Variants in CXCL16 observed in about 807,000 individuals in gnomAD.
CXCL16 encodes C-X-C motif chemokine ligand 16.
A neutral mutation model predicts 23.8 loss-of-function variants in CXCL16; 18 were observed. The observed-to-expected ratio is 0.76, with a 90% CI of 0.52 to 1.12. The LOEUF (loss-of-function observed/expected upper bound fraction) is 1.12. CXCL16 is among the 50% of genes most tolerant of loss of function. The pLI, the probability that CXCL16 is intolerant of heterozygous loss-of-function variation, is 0.00. For synonymous variants in CXCL16, 123 were observed against 132.5 expected (o/e 0.93, Z 0.49); for missense variants, 297 against 315.4 (o/e 0.94, Z 0.44).
At position 4,738,598 on chromosome 17, in the gene CXCL16, G is replaced by C; in HGVS notation, c.219-108C>G. The C allele has an allele frequency of 9.5e-7, 1 of 1,047,916 alleles. No individual in the cohort carries two copies. Among genetic ancestry groups the C allele is most frequent in the South Asian group, 1.4e-5 (1 of 69,602 alleles). 64.9% of individuals were successfully genotyped at this position (1,047,916 alleles called of 1,614,324 possible). On this transcript the variant is annotated intron_variant, in intron 2 of 5. Transcript: ENST00000293778. This position sits in a 1 kb window ranked among gnomAD's most constrained non-coding sequence, Gnocchi z 4.0. ...CACCAAGAAAGAGCCCTTTCTCCTG[G>C]GACTGGGAAACTCCCCAGTAGGTGA...
chr17:4,738,413 A>C lies in CXCL16; in HGVS notation c.296T>G (p.Leu99Arg). The change falls in exon 3 of 6, where the codon CTC (leucine) becomes CGC (arginine). Residue 99 changes from leucine to arginine, a missense_variant. Coordinates refer to ENST00000293778, the MANE Select transcript of CXCL16 (RefSeq NM_001386809.1). This position sits in a 1 kb window ranked among gnomAD's most constrained non-coding sequence, Gnocchi z 4.0. ...WVQELMSCLD[L>R]KECGHAYSGI... ...GAGCAGTGGAAAAGTCTCACCTTTG[A>C]GATCAAGACAGCTCATCAATTCCTG... 1 of 1,613,278 alleles carries C rather than the reference A, an allele frequency of 6.2e-7. No individual in the cohort carries two copies. The highest frequency in any genetic ancestry group is 8.5e-7 in the Non-Finnish European group (1 of 1,179,198).
chr17:4,734,747 A>C, intron 4 of CXCL16, 95 bp from the exon 5 acceptor site: 1 of 1,081,396 alleles, frequency 9.2e-7, no homozygotes, highest in Middle Eastern at 2.0e-4. Context: ...TGAAGACATC[A>C]ACACTATGAC....
intron 3 of CXCL16, among the ~76,000 whole-genome samples, chr17:4,735,815 T>C (rs1405511002): frequency 6.6e-6 from 1 of 152,184 alleles, no homozygotes; most frequent in Non-Finnish European, 1.5e-5. Flanking sequence ...GGTTCACGCC[T>C]GTAATCCCAG....
rs1268171012 is a variant in CXCL16, at chr17:4,738,329, G to C, written c.301+79C>G. 1 of 1,116,750 alleles carries C rather than the reference G, an allele frequency of 9.0e-7. No individual in the cohort carries two copies. The highest frequency in any genetic ancestry group is 1.4e-6 in the Non-Finnish European group (1 of 733,014). The allele number at this position is 1,116,750 out of a possible 1,614,324, so 69.2% of individuals were successfully genotyped here. On this transcript the variant is annotated intron_variant, in intron 3 of 5. Coordinates refer to ENST00000293778, the MANE Select transcript of CXCL16 (RefSeq NM_001386809.1). This position sits in a 1 kb window ranked among gnomAD's most constrained non-coding sequence, Gnocchi z 4.0. ...AGGAATGTGCGGCCCCAGGGGAAAA[G>C]GCTCAGGTAAAGAAAACTGTCAGGT...
At chr17:4,734,954 C>G (rs1916105908) in intron 4 of CXCL16, 138 bp downstream of exon 4, 1 of 841,500 alleles carries the variant, frequency 1.2e-6, no homozygotes. Context: ...CTCAGAGGGC[C>G]CAGAGTCAAC....
chr17:4,736,314 G>T (rs1429643146), intron 3 of CXCL16: 3 of 152,150 alleles, frequency 2.0e-5, no homozygotes, highest in African/African-American at 4.8e-5. Context: ...AATTACCAAG[G>T]TGCCATGTTT....
intron 4 of CXCL16, 24 bp from the exon 5 acceptor site, chr17:4,734,676 A>T (rs767139614): frequency 6.3e-7 from 1 of 1,597,402 alleles, no homozygotes; most frequent in Admixed American, 1.7e-5. Flanking sequence ...AGAAATTGAG[A>T]GATGAGCTCT....
Position 4,734,445 on chromosome 17 carries a change from G to A in CXCL16, c.*58C>T. The A allele has an allele frequency of 1.8e-6, 1 of 555,484 alleles. No individual in the cohort carries two copies. Among genetic ancestry groups the A allele is most frequent in the South Asian group, 1.9e-5 (1 of 53,480 alleles). 34.4% of individuals were successfully genotyped at this position (555,484 alleles called of 1,614,324 possible). ...GGTGGGAGGATCACTTGACTCAGGA[G>A]TTCCATAACAGCCTGGGCAACATAG... On this transcript the variant is annotated 3_prime_UTR_variant, in exon 6 of 6. Transcript: ENST00000293778.
intron 4 of CXCL16, 99 bp from the exon 5 acceptor site, chr17:4,734,751 CTA>C: frequency 9.6e-7 from 1 of 1,041,612 alleles, no homozygotes; most frequent in South Asian, 1.3e-5. Context: ...GACATCAACA[CTA>C]TGACCTGGCC....
At chr17:4,735,562 C>G in intron 3 of CXCL16, 54 bp from the exon 4 acceptor site, 1 of 1,430,084 alleles carries the variant, frequency 7.0e-7, no homozygotes, top group Non-Finnish European at 9.3e-7. Context: ...GGTGAAAAAG[C>G]AGATAGAGGT....
rs1425331832 is a variant in CXCL16, at chr17:4,739,363, G to T, written c.-24C>A. 1 of 1,612,992 alleles carries T rather than the reference G, an allele frequency of 6.2e-7. No individual in the cohort carries two copies. Among genetic ancestry groups the T allele is most frequent in the African/African-American group, 1.3e-5 (1 of 74,906 alleles). The stretch of plus-strand genomic sequence containing the variant: ...ATCTCGGGGCTCCGCGGACTCTGCG[G>T]GGATGGAGCCACCTCGCTCTGACTC... On this transcript the variant is annotated 5_prime_UTR_variant, in exon 1 of 6. Transcript: ENST00000293778. The surrounding 1 kb of genome is among the most constrained non-coding windows in gnomAD (Gnocchi z 5.3).
chr17:4,738,234 G>A lies in CXCL16; in HGVS notation c.301+174C>T, dbSNP rs1916220055. 6.6e-6 allele frequency among the ~76,000 whole-genome samples: 1 copy of A among 152,202 alleles called. No individual in the cohort carries two copies. The highest frequency in any genetic ancestry group is 6.5e-5 in the Admixed American group (1 of 15,272). On this transcript the variant is annotated intron_variant, in intron 3 of 5. Coordinates refer to ENST00000293778, the MANE Select transcript of CXCL16 (RefSeq NM_001386809.1). This position sits in a 1 kb window ranked among gnomAD's most constrained non-coding sequence, Gnocchi z 4.0. ...TGGCAAAACTCATGAAGGTGATGGT[G>A]AATGATCACCCCGTTTGGCAAACAG...
Position 4,739,434 on chromosome 17 carries a change from T to A in CXCL16, c.-95A>T. The A allele has an allele frequency of 6.3e-7, 1 of 1,586,508 alleles. No homozygotes were observed. The highest frequency in any genetic ancestry group is 8.6e-7 in the Non-Finnish European group (1 of 1,163,054). The stretch of plus-strand genomic sequence containing the variant: ...GACGTCCAGCTGGTGTCTCAATGGC[T>A]TTCGCCGGGGACCGGAGGAGACGGC... On this transcript the variant is annotated 5_prime_UTR_variant, in exon 1 of 6. The change creates a new upstream start codon in the 5' untranslated region. Coordinates refer to ENST00000293778, the MANE Select transcript of CXCL16 (RefSeq NM_001386809.1). This position sits in a 1 kb window ranked among gnomAD's most constrained non-coding sequence, Gnocchi z 5.3.
In CXCL16 at chr17:4,735,440, A is replaced by C; in HGVS notation, c.370T>G (p.Ser124Ala). ...KHLLPTSPPI[S>A]QASEGASSDI... Reference sequence around the variant, plus strand: ...GAAGATGCCCCCTCTGAGGCCTGAGAAATTGGGGGGCTGGTAGGAAGTAAA... The same window carrying C: ...GAAGATGCCCCCTCTGAGGCCTGAGCAATTGGGGGGCTGGTAGGAAGTAAA... Residue 124 changes from serine (S) to alanine (A), a missense_variant, in exon 4 of 6, where the codon TCT (serine) becomes GCT (alanine). Ser to Ala is a moderately conservative substitution (Grantham distance 99). Coordinates refer to ENST00000293778, the MANE Select transcript of CXCL16 (RefSeq NM_001386809.1). 1 of 1,521,070 alleles carries C rather than the reference A, an allele frequency of 6.6e-7. No homozygotes were observed. Among genetic ancestry groups the C allele is most frequent in the Non-Finnish European group, 8.8e-7 (1 of 1,131,098 alleles). The allele number at this position is 1,521,070 out of a possible 1,614,324, so 94.2% of individuals were successfully genotyped here. A position where few individuals can be genotyped will look rare whatever the true frequency, so the allele number is the denominator to read the frequency against.
chr17:4,734,912 T>A (rs1335286680), intron 4 of CXCL16, among the ~76,000 whole-genome samples, 180 bp downstream of exon 4: 2 of 152,170 alleles, frequency 1.3e-5, no homozygotes, highest in Non-Finnish European at 2.9e-5. Context: ...CTTCCTTCCC[T>A]CTCCACTGTC....
In CXCL16 at chr17:4,739,207, C is replaced by T; in HGVS notation, c.79+54G>A. ...TGGGCCTCGTGTCCCCTCCCCAACT[C>T]ACCCCCTTCCCGTGACAGGGGAATC... On this transcript the variant is annotated intron_variant, in intron 1 of 5. Coordinates refer to ENST00000293778, the MANE Select transcript of CXCL16 (RefSeq NM_001386809.1). This position sits in a 1 kb window ranked among gnomAD's most constrained non-coding sequence, Gnocchi z 5.3. 6.5e-7 allele frequency: 1 copy of T among 1,548,884 alleles called. No homozygotes were observed. The highest frequency in any genetic ancestry group is 1.2e-5 in the South Asian group (1 of 84,434).
intron 3 of CXCL16, among the ~76,000 whole-genome samples, chr17:4,737,575 T>TAAAAAAA (rs55694753): frequency 4.8e-5 from 2 of 42,026 alleles, no homozygotes; most frequent in Non-Finnish European, 8.7e-5. Context: ...AAGACTCCAT[T>TAAAAAAA]AAAAAAAAAA....
rs1366048383 is a variant in CXCL16, at chr17:4,739,373, C to T, written c.-34G>A. ...TCCGCGGACTCTGCGGGGATGGAGCCACCTCGCTCTGACTCCCAGACATGC... is the reference window on the plus strand; with the variant it reads ...TCCGCGGACTCTGCGGGGATGGAGCTACCTCGCTCTGACTCCCAGACATGC... On this transcript the variant is annotated 5_prime_UTR_variant, in exon 1 of 6. Coordinates refer to ENST00000293778, the MANE Select transcript of CXCL16 (RefSeq NM_001386809.1). The surrounding 1 kb of genome is among the most constrained non-coding windows in gnomAD (Gnocchi z 5.3). 1 of 1,612,804 alleles carries T rather than the reference C, an allele frequency of 6.2e-7. No individual in the cohort carries two copies. Among genetic ancestry groups the T allele is most frequent in the East Asian group, 2.2e-5 (1 of 44,852 alleles).
chr17:4,735,002 A>G (rs1252033443), intron 4 of CXCL16, 90 bp downstream of exon 4: 2 of 1,288,362 alleles, frequency 1.6e-6, no homozygotes, highest in African/African-American at 1.5e-5. Context: ...TGCCAAGGCC[A>G]GGTTTCCAGC....
Sources: gnomAD v4.1 joint callset for allele counts (sites outside exome capture counted in the v4.1 genomes callset) on GRCh38, gnomAD v4.1.1 for gene constraint, Gnocchi (gnomAD v3.1) non-coding constraint, MANE v1.5 for transcripts, NCBI Gene and HGNC (gene_info 2026-07-23, HGNC 2026-07-21) for gene names.